Variants in IL1RAPL2 observed in about 807,000 individuals in gnomAD.
The protein encoded by IL1RAPL2 is X-linked interleukin-1 receptor accessory protein-like 2.
In IL1RAPL2, 3 loss-of-function variants were observed where a neutral mutation model predicts 44.1. The ratio of observed to expected loss-of-function variants is 0.07; its 90% CI spans 0.03 to 0.18. The LOEUF is 0.18. IL1RAPL2 is among the 10% of genes least tolerant of loss of function. IL1RAPL2 has a pLI of 1.00. For synonymous variants in IL1RAPL2, 181 were observed against 178.8 expected (o/e 1.01, Z -0.10); for missense variants, 391 against 496.4 (o/e 0.79, Z 2.02).
intron 2 of IL1RAPL2, among the ~76,000 whole-genome samples, chrX:105,078,855 T>A (rs1837890799): frequency 8.9e-6 from 1 of 112,620 alleles, no homozygotes; most frequent in Non-Finnish European, 1.9e-5. Context: ...AATCTCCTGG[T>A]GTGCCGTTTG....
At chrX:105,211,330 A>G (rs1190933069) in intron 3 of IL1RAPL2, among the ~76,000 whole-genome samples, 4 of 111,017 alleles carry the variant, frequency 3.6e-5, no homozygotes, top group Non-Finnish European at 5.7e-5. Context: ...CTGTCATGAG[A>G]GCTGTAGAGT....
intron 5 of IL1RAPL2, among the ~76,000 whole-genome samples, chrX:105,342,585 G>T (rs866334948): frequency 2.7e-5 from 3 of 111,713 alleles, no homozygotes; most frequent in Non-Finnish European, 5.6e-5. Flanking sequence ...GGCAGTGTAG[G>T]ATTGAAGGGA....
In IL1RAPL2 at chrX:105,228,406, A is replaced by G. The variant is rs541601157; in HGVS notation, c.357-5412A>G. On this transcript the variant is annotated intron_variant, in intron 3 of 10. Coordinates refer to ENST00000372582, the MANE Select transcript of IL1RAPL2 (RefSeq NM_017416.2). ...CAAGTTCACATATGCTCAAACTCTA[A>G]AACAAAACTTTATAATATGGGCATG... 2.7e-5 allele frequency among the ~76,000 whole-genome samples: 3 copies of G among 111,884 alleles called. No individual in the cohort carries two copies. In the South Asian group the frequency reaches 1.1e-3, roughly 42 times the overall value.
chrX:105,675,611 C>T lies in IL1RAPL2; in HGVS notation c.773-41756C>T. 3.6e-5 allele frequency among the ~76,000 whole-genome samples: 4 copies of T among 111,581 alleles called. No homozygotes were observed. In the Middle Eastern group the frequency reaches 0.019, roughly 529 times the overall value. ...ATCAATGTTCATCAGGGATATTGGC[C>T]TGAAGTTTTCTTTTTTTGTTGTATC... On this transcript the variant is annotated intron_variant, in intron 6 of 10. Coordinates refer to ENST00000372582, the MANE Select transcript of IL1RAPL2 (RefSeq NM_017416.2).
At chrX:104,968,612 C>T (rs944342810) in intron 2 of IL1RAPL2, among the ~76,000 whole-genome samples, 1 of 111,408 alleles carries the variant, frequency 9.0e-6, no homozygotes, top group East Asian at 2.8e-4. Context: ...TATAGACTTT[C>T]ATGATTTGCC....
At chrX:105,526,326 A>T (rs2036594487) in intron 6 of IL1RAPL2, among the ~76,000 whole-genome samples, 1 of 111,736 alleles carries the variant, frequency 8.9e-6, no homozygotes, top group Non-Finnish European at 1.9e-5. Flanking sequence ...GAAATACATG[A>T]TTTAATCACC....
intron 2 of IL1RAPL2, among the ~76,000 whole-genome samples, chrX:104,803,747 G>A (rs1433857091): frequency 1.8e-5 from 2 of 112,485 alleles, no homozygotes; most frequent in Non-Finnish European, 1.9e-5. Context: ...GGTGCCTGAC[G>A]CTTGTTAGAC....
At chrX:105,288,773 G>T (rs1206261150) in intron 5 of IL1RAPL2, among the ~76,000 whole-genome samples, 4 of 110,552 alleles carry the variant, frequency 3.6e-5, no homozygotes, top group Non-Finnish European at 7.6e-5. Context: ...AATTTGTCTT[G>T]GTGGGGCTCA....
intron 5 of IL1RAPL2, among the ~76,000 whole-genome samples, chrX:105,356,997 A>G (rs2035208227): frequency 8.9e-6 from 1 of 111,781 alleles, no homozygotes; most frequent in South Asian, 3.7e-4. Flanking sequence ...ATAGCTGGGA[A>G]TAATACACAT....
chrX:104,733,435 T>C (rs1189569403), intron 2 of IL1RAPL2, among the ~76,000 whole-genome samples: 1 of 109,135 alleles, frequency 9.2e-6, no homozygotes, highest in Non-Finnish European at 1.9e-5. Context: ...CTACTAAAAA[T>C]ATATGAAAAC....
At chrX:105,322,824 C>T (rs1013347919) in intron 5 of IL1RAPL2, among the ~76,000 whole-genome samples, 3 of 111,532 alleles carry the variant, frequency 2.7e-5, no homozygotes, top group African/African-American at 9.8e-5. Context: ...AACTTAATTA[C>T]AGGAGTGAGA....
chrX:105,314,991 G>C (rs144424678), intron 5 of IL1RAPL2, among the ~76,000 whole-genome samples: 47 of 112,184 alleles, frequency 4.2e-4, no homozygotes, highest in African/African-American at 1.4e-3. Flanking sequence ...AGGCAATCAA[G>C]TTGAAGTTTT....
At chrX:104,765,995 A>G (rs1023450019) in intron 2 of IL1RAPL2, among the ~76,000 whole-genome samples, 1 of 112,294 alleles carries the variant, frequency 8.9e-6, no homozygotes, top group African/African-American at 3.2e-5. Context: ...GAGGCCATTC[A>G]GGTCCTGATT....
At chrX:105,561,041 C>T (rs746433305) in intron 6 of IL1RAPL2, among the ~76,000 whole-genome samples, 1 of 111,393 alleles carries the variant, frequency 9.0e-6, no homozygotes, top group African/African-American at 3.2e-5. Flanking sequence ...TTGCTTGAGA[C>T]AAAGAATCCA....
At chrX:104,811,133 G>A (rs978506169) in intron 2 of IL1RAPL2, among the ~76,000 whole-genome samples, 6 of 111,437 alleles carry the variant, frequency 5.4e-5, no homozygotes, top group African/African-American at 2.0e-4. Flanking sequence ...ACCTGTAAGT[G>A]TGAGAAAAAG....
rs199886540 is a variant in IL1RAPL2 at position 104,878,838 on chromosome X, C to CT, written c.82+219852dup. 8.9e-4 allele frequency among the ~76,000 whole-genome samples: 97 copies of CT among 109,165 alleles called. No individual in the cohort carries two copies. In the South Asian group the frequency reaches 0.011, roughly 13 times the overall value. The allele number at this position is 109,165 out of a possible 115,157, so 94.8% of individuals were successfully genotyped here. The stretch of plus-strand genomic sequence containing the variant: ...CATGTAAGTATATTTTATTAGCTTC[C>CT]TTTTTTTTTGAATGAACAAATTTTG... On this transcript the variant is annotated intron_variant, in intron 2 of 10. Coordinates refer to ENST00000372582, the MANE Select transcript of IL1RAPL2 (RefSeq NM_017416.2).
chrX:105,011,891 A>C (rs2031054335), intron 2 of IL1RAPL2, among the ~76,000 whole-genome samples: 1 of 110,825 alleles, frequency 9.0e-6, no homozygotes, highest in Non-Finnish European at 1.9e-5. Context: ...TCACCTGACA[A>C]TTAGACAGTT....
At chrX:105,209,039 CAATAGA>C (rs2033787436) in intron 3 of IL1RAPL2, among the ~76,000 whole-genome samples, 1 of 111,145 alleles carries the variant, frequency 9.0e-6, no homozygotes, top group Non-Finnish European at 1.9e-5. Flanking sequence ...ATTGTTTTAC[CAATAGA>C]AATAGATGAC....
At chrX:104,908,166 C>G (rs1383378877) in intron 2 of IL1RAPL2, among the ~76,000 whole-genome samples, 1 of 111,467 alleles carries the variant, frequency 9.0e-6, no homozygotes, top group Non-Finnish European at 1.9e-5. Context: ...GTAGATTTTC[C>G]TCCATCCTTT....
Sources: gnomAD v4.1 joint callset for allele counts (sites outside exome capture counted in the v4.1 genomes callset) on GRCh38, gnomAD v4.1.1 for gene constraint, MANE v1.5 for transcripts, NCBI Gene and HGNC (gene_info 2026-07-23, HGNC 2026-07-21) for gene names.